The following KLHL3 variants were observed in gnomAD, a reference collection of about 807,000 sequenced individuals.
KLHL3 encodes kelch-like protein 3.
KLHL3 carries 19 observed loss-of-function variants against 70.5 expected under a neutral mutation model. That is an observed-to-expected ratio of 0.27 (90% confidence interval 0.19 to 0.40). The LOEUF is 0.40. Among genes scored for constraint, KLHL3 ranks in the 10% least tolerant of loss-of-function variants. KLHL3 has a pLI of 1.00. For missense variants in KLHL3, 512 were observed against 771.1 expected (o/e 0.66, Z 3.98); for synonymous variants, 258 against 290.3 (o/e 0.89, Z 1.13).
intron 2 of KLHL3, among the ~76,000 whole-genome samples, chr5:137,713,646 C>G (rs533244538): frequency 6.6e-6 from 1 of 152,120 alleles, no homozygotes; most frequent in Admixed American, 6.5e-5. Flanking sequence ...GATATGACAC[C>G]AAAAGCACAA....
rs929408296 is a variant in KLHL3, at chr5:137,628,743, A to T, written c.1451-306T>A. 1.3e-4 allele frequency: 21 copies of T among 159,530 alleles called. No individual in the cohort carries two copies. In the East Asian group the frequency reaches 2.2e-3, roughly 17 times the overall value. The allele number at this position is 159,530 out of a possible 1,614,324, so 9.9% of individuals were successfully genotyped here. A position where few individuals can be genotyped will look rare whatever the true frequency, so the allele number is the denominator to read the frequency against. On this transcript the variant is annotated intron_variant, in intron 12 of 14. Coordinates refer to ENST00000309755, the MANE Select transcript of KLHL3 (RefSeq NM_017415.3). Reference sequence around the variant, plus strand: ...CACACAGACAGACAGACATACATACATACATACATACATACATACATACAT... The same window carrying T: ...CACACAGACAGACAGACATACATACTTACATACATACATACATACATACAT...
chr5:137,631,069 C>CAAAAAAAAAAAAAAAAA (rs70979549), intron 12 of KLHL3, among the ~76,000 whole-genome samples: 1 of 105,786 alleles, frequency 9.5e-6, no homozygotes, highest in Non-Finnish European at 1.9e-5. Context: ...TCCAAAAATA[C>CAAAAAAAAAAAAAAAAA]AAAAAAAAAA....
chr5:137,709,525 C>T (rs537151252), intron 3 of KLHL3, among the ~76,000 whole-genome samples: 13 of 152,336 alleles, frequency 8.5e-5, no homozygotes, highest in Middle Eastern at 3.4e-3. Flanking sequence ...CTATGTGAGT[C>T]TACCTTTTTT....
rs530024890 is a variant in KLHL3, at chr5:137,725,010, A to G, written c.15-4426T>C. On this transcript the variant is annotated intron_variant, in intron 1 of 14. Coordinates refer to ENST00000309755, the MANE Select transcript of KLHL3 (RefSeq NM_017415.3). The stretch of plus-strand genomic sequence containing the variant: ...AACCTAAGGTCACATGCCCAGGCAC[A>G]GAGTTGCTAGATCTTACCATTTCAT... The G allele has an allele frequency of 1.0e-5, 10 of 983,138 alleles. No individual in the cohort carries two copies. The South Asian group carries it at 4.2e-4, about 42-fold the overall frequency. 60.9% of individuals were successfully genotyped at this position (983,138 alleles called of 1,614,324 possible).
chr5:137,625,305 A>G (rs1231958040), intron 14 of KLHL3, among the ~76,000 whole-genome samples: 1 of 152,226 alleles, frequency 6.6e-6, no homozygotes, highest in Non-Finnish European at 1.5e-5. Flanking sequence ...AAACCTGTCT[A>G]GCGTATGTCA....
chr5:137,734,392 G>A (rs935773263), intron 1 of KLHL3, among the ~76,000 whole-genome samples: 1 of 151,524 alleles, frequency 6.6e-6, no homozygotes, highest in African/African-American at 2.4e-5. Flanking sequence ...TGCACCAGCA[G>A]CACAGTCAGT....
intron 4 of KLHL3, among the ~76,000 whole-genome samples, chr5:137,696,181 C>T (rs1752440306): frequency 6.6e-6 from 1 of 152,246 alleles, no homozygotes; most frequent in South Asian, 2.1e-4. Context: ...TCAGAAAGCA[C>T]CTTCTCCTGG....
Position 137,628,432 on chromosome 5 carries a change from C to T in KLHL3, c.1456G>A (p.Gly486Arg). 1 of 1,614,140 alleles carries T rather than the reference C, an allele frequency of 6.2e-7. No homozygotes were observed. The highest frequency in any genetic ancestry group is 8.5e-7 in the Non-Finnish European group (1 of 1,180,024). The change falls in exon 13 of 15, where the codon GGA becomes AGA. Residue 486 changes from glycine to arginine, a missense_variant. Gly to Arg is a moderately radical substitution (Grantham distance 125). Coordinates refer to ENST00000309755, the MANE Select transcript of KLHL3 (RefSeq NM_017415.3). The part of the protein sequence containing the change: ...MSTRRSGAGV[G>R]VLSGQLYATG... ...GCGTACAGCTGTCCGCTAAGCACTCCAACCCCTGAAAGGCAGAGCACAGCA... is the reference window on the plus strand; with the variant it reads ...GCGTACAGCTGTCCGCTAAGCACTCTAACCCCTGAAAGGCAGAGCACAGCA...
At chr5:137,628,603 C>T (rs977619630) in intron 12 of KLHL3, 166 bp from the exon 13 acceptor site, 21 of 596,704 alleles carry the variant, frequency 3.5e-5, no homozygotes, top group Admixed American at 6.9e-5. Context: ...AATATAATGA[C>T]ACCCTACCTG....
Position 137,618,827 on chromosome 5 carries a change from T to C in KLHL3, c.*3271A>G, listed in dbSNP as rs886059940. On this transcript the variant is annotated 3_prime_UTR_variant, in exon 15 of 15. Transcript: ENST00000309755. ...CTGAGTCGAACATAACATCAGTCCC[T>C]AGCAATTCAAGAAACACCAGTGACT... The C allele has an allele frequency of 1.0e-4, 15 of 144,716 alleles. No individual in the cohort carries two copies. The highest frequency in any genetic ancestry group is 3.8e-4 in the African/African-American group (15 of 39,146). The allele number at this position is 144,716 out of a possible 1,614,324, so 9.0% of individuals were successfully genotyped here.
At position 137,621,907 on chromosome 5, in the gene KLHL3, C is replaced by T. The variant is rs576856604; in HGVS notation, c.*191G>A. On this transcript the variant is annotated 3_prime_UTR_variant, in exon 15 of 15. Transcript: ENST00000309755. Reference sequence around the variant, plus strand: ...GCTCAGGGCATAGGCCAGAGCACCTCAGGGGAACGGGGGTGGGTAATGGTG... The same window carrying T: ...GCTCAGGGCATAGGCCAGAGCACCTTAGGGGAACGGGGGTGGGTAATGGTG... 4.6e-5 allele frequency: 30 copies of T among 648,622 alleles called. No individual in the cohort carries two copies. The highest frequency in any genetic ancestry group is 3.0e-4 in the East Asian group (11 of 36,978). 40.2% of individuals were successfully genotyped at this position (648,622 alleles called of 1,614,324 possible). A position where few individuals can be genotyped will look rare whatever the true frequency, so the allele number is the denominator to read the frequency against.
At position 137,620,003 on chromosome 5, in the gene KLHL3, A is replaced by T. The variant is rs1219778120; in HGVS notation, c.*2095T>A. On this transcript the variant is annotated 3_prime_UTR_variant, in exon 15 of 15. Coordinates refer to ENST00000309755, the MANE Select transcript of KLHL3 (RefSeq NM_017415.3). Reference sequence around the variant, plus strand: ...CCCCAGCCTCATCCCCATCACACAGACACACCGAAACAAGTCTCAAAATTT... The same window carrying T: ...CCCCAGCCTCATCCCCATCACACAGTCACACCGAAACAAGTCTCAAAATTT... 1 of 152,242 alleles carries T rather than the reference A, an allele frequency of 6.6e-6. No individual in the cohort carries two copies. Among genetic ancestry groups the T allele is most frequent in the Non-Finnish European group, 1.5e-5 (1 of 68,080 alleles). 9.4% of individuals were successfully genotyped at this position (152,242 alleles called of 1,614,324 possible). A position where few individuals can be genotyped will look rare whatever the true frequency, so the allele number is the denominator to read the frequency against.
Position 137,652,049 on chromosome 5 carries a change from AC to A in KLHL3, c.903+6081del, listed in dbSNP as rs200523084. 1.1e-4 allele frequency among the ~76,000 whole-genome samples: 16 copies of A among 151,836 alleles called. 1 individual carries two copies. Among genetic ancestry groups the A allele is most frequent in the Admixed American group, 3.9e-4 (6 of 15,258 alleles). On this transcript the variant is annotated intron_variant, in intron 8 of 14. Coordinates refer to ENST00000309755, the MANE Select transcript of KLHL3 (RefSeq NM_017415.3). ...CTCATGCACCATATTAAGAACAACAACAAAAAAAAACTTCTCAAAATGGATC... is the reference window on the plus strand; with the variant it reads ...CTCATGCACCATATTAAGAACAACAAAAAAAAAAACTTCTCAAAATGGATC...
chr5:137,680,270 G>C (rs1318652563), intron 5 of KLHL3, among the ~76,000 whole-genome samples: 1 of 152,168 alleles, frequency 6.6e-6, no homozygotes, highest in African/African-American at 2.4e-5. Context: ...GGAGAATGTA[G>C]TAAAGAGCCT....
At chr5:137,735,498 G>A (rs537465893) in intron 1 of KLHL3, 135 bp downstream of exon 1, 6 of 727,786 alleles carry the variant, frequency 8.2e-6, no homozygotes, top group South Asian at 4.5e-5. Flanking sequence ...TTGTTCTGGC[G>A]CCCTTTAAGA....
chr5:137,725,733 T>C (rs1753075304), intron 1 of KLHL3, among the ~76,000 whole-genome samples: 1 of 152,238 alleles, frequency 6.6e-6, no homozygotes, highest in Admixed American at 6.5e-5. Flanking sequence ...GATATCTGGC[T>C]CAATACTTTA....
At chr5:137,622,668 T>A (rs1320415102) in intron 14 of KLHL3, among the ~76,000 whole-genome samples, 1 of 152,204 alleles carries the variant, frequency 6.6e-6, no homozygotes, top group Non-Finnish European at 1.5e-5. Context: ...CCCACACAAA[T>A]GTCATCTAAG....
intron 8 of KLHL3, among the ~76,000 whole-genome samples, chr5:137,653,402 C>G (rs1424470521): frequency 6.6e-6 from 1 of 152,078 alleles, no homozygotes; most frequent in African/African-American, 2.4e-5. Flanking sequence ...ATGTTTACAA[C>G]TCAATAAGAA....
At chr5:137,717,757 C>T (rs1384827315) in intron 2 of KLHL3, among the ~76,000 whole-genome samples, 2 of 151,200 alleles carry the variant, frequency 1.3e-5, no homozygotes, top group Admixed American at 1.3e-4. Context: ...ATTCCTTTTA[C>T]AAAAGAAAAA....
Sources: gnomAD v4.1 joint callset for allele counts (sites outside exome capture counted in the v4.1 genomes callset) on GRCh38, gnomAD v4.1.1 for gene constraint, MANE v1.5 for transcripts, NCBI Gene and HGNC (gene_info 2026-07-23, HGNC 2026-07-21) for gene names.